The following UNG variants were observed in gnomAD, a reference collection of about 807,000 sequenced individuals.
The protein encoded by UNG is uracil DNA glycosylase.
UNG carries 34 observed loss-of-function variants against 36.5 expected under a neutral mutation model. That is an observed-to-expected ratio of 0.93 (90% confidence interval 0.71 to 1.24). The LOEUF (loss-of-function observed/expected upper bound fraction) is 1.24, where lower values mean the gene tolerates loss of function less well. Among genes scored for constraint, UNG ranks in the 50% most tolerant of loss-of-function variants. The pLI is 0.00. For synonymous variants in UNG, 172 were observed against 157.8 expected (o/e 1.09, Z -0.67); for missense variants, 391 against 397.6 (o/e 0.98, Z 0.14).
intron 6 of UNG, among the ~76,000 whole-genome samples, chr12:109,107,000 T>C (rs776277993): frequency 6.8e-6 from 1 of 147,056 alleles, no homozygotes; most frequent in Non-Finnish European, 1.5e-5. Context: ...GTGTCACAGT[T>C]GCCTATAGTA....
At position 109,097,763 on chromosome 12, in the gene UNG, C is replaced by A. The variant is rs2042141964; in HGVS notation, c.84C>A (p.Val28=). 1 of 1,569,134 alleles carries A rather than the reference C, an allele frequency of 6.4e-7. No individual in the cohort carries two copies. The highest frequency in any genetic ancestry group is 8.6e-7 in the Non-Finnish European group (1 of 1,156,986). The change falls in exon 1 of 7, where the codon GTC becomes GTA. Residue 28 remains valine (V), a synonymous_variant. Transcript: ENST00000242576. The stretch of plus-strand genomic sequence containing the variant: ...ACGCCCCCAGCCCCGAGCCGGCCGT[C>A]CAGGGGACCGGCGTGGCTGGGGTGC... ...KRHAPSPEPA[V]QGTGVAGVPE...
intron 4 of UNG, among the ~76,000 whole-genome samples, chr12:109,102,578 G>A (rs111400274): frequency 0.011 from 1,710 of 152,258 alleles, 33 homozygotes; most frequent in African/African-American, 0.038. Flanking sequence ...GGTCTGGGTT[G>A]TAACTGCTGG....
In UNG at chr12:109,103,440, CCTT is replaced by C; in HGVS notation, c.633_635del (p.Leu212del). The C allele has an allele frequency of 6.2e-6, 10 of 1,614,108 alleles. No homozygotes were observed. The highest frequency in any genetic ancestry group is 8.5e-6 in the Non-Finnish European group (10 of 1,179,988). On this transcript the variant is annotated inframe_deletion, in exon 6 of 7. Transcript: ENST00000242576. ...TTTCTCTCATGTGTATAGGTGTTCT[CCTT>C]CTCAACGCTGTCCTCACGGTTCGTG...
chr12:109,099,959 G>A (rs1048060430), intron 3 of UNG, among the ~76,000 whole-genome samples: 6 of 152,164 alleles, frequency 3.9e-5, no homozygotes, highest in Non-Finnish European at 7.3e-5. Flanking sequence ...CTACTTGGGA[G>A]GCTGAGGTGG....
At position 109,097,653 on chromosome 12, in the gene UNG, C is replaced by G; in HGVS notation, c.-27C>G. On this transcript the variant is annotated 5_prime_UTR_variant, in exon 1 of 7. Transcript: ENST00000242576. ...TAGCCTCGCCGGTTCCCGGGTGGCGCGCGTTCGCTGCCTCCTCAGCTCCAG... is the reference window on the plus strand; with the variant it reads ...TAGCCTCGCCGGTTCCCGGGTGGCGGGCGTTCGCTGCCTCCTCAGCTCCAG... The G allele has an allele frequency of 6.2e-7, 1 of 1,600,838 alleles. No individual in the cohort carries two copies. The highest frequency in any genetic ancestry group is 8.5e-7 in the Non-Finnish European group (1 of 1,173,668).
rs2042159233 is a variant in UNG, at chr12:109,099,283, A to G, written c.434A>G (p.Asp145Gly). 5 of 1,612,158 alleles carry G rather than the reference A, an allele frequency of 3.1e-6. No homozygotes were observed. The highest frequency in any genetic ancestry group is 4.2e-6 in the Non-Finnish European group (5 of 1,178,336). ...FTWTQMCDIK[D>G]VKVVILGQDP... ...TGGACCCAGATGTGTGACATAAAAG[A>G]TGTAAGTACAACTTGTTGATAATTT... Residue 145 changes from aspartate (D) to glycine (G), a missense_variant and splice_region_variant, in exon 3 of 7, where the codon GAT becomes GGT. Physicochemically the swap from Asp to Gly is moderately conservative, Grantham distance 94. Transcript: ENST00000242576.
At chr12:109,105,916 G>A (rs1269473851) in intron 6 of UNG, among the ~76,000 whole-genome samples, 1 of 152,198 alleles carries the variant, frequency 6.6e-6, no homozygotes, top group Non-Finnish European at 1.5e-5. Flanking sequence ...TAGAGGGGTG[G>A]CCCCCAATCG....
chr12:109,099,397 T>C (rs2042160155), intron 3 of UNG, 113 bp downstream of exon 3: 3 of 919,030 alleles, frequency 3.3e-6, no homozygotes, highest in Middle Eastern at 2.2e-4. Flanking sequence ...AATAAAACAC[T>C]GAAATCCCGA....
At chr12:109,106,988 T>C (rs544945547) in intron 6 of UNG, among the ~76,000 whole-genome samples, 1 of 147,118 alleles carries the variant, frequency 6.8e-6, no homozygotes, top group Non-Finnish European at 1.5e-5. Flanking sequence ...ATGCCTACCA[T>C]TGTGTCACAG....
chr12:109,108,934 G>A (rs933646201), intron 6 of UNG, among the ~76,000 whole-genome samples: 18 of 152,118 alleles, frequency 1.2e-4, no homozygotes, highest in African/African-American at 3.9e-4. Flanking sequence ...GACTGGCCCC[G>A]TTCTATTTTT....
chr12:109,102,946 G>A lies in UNG; in HGVS notation c.622+19G>A. On this transcript the variant is annotated intron_variant, in intron 5 of 6. Coordinates refer to ENST00000242576, the MANE Select transcript of UNG (RefSeq NM_080911.3). ...AAGCAAGGTAAGCCAGCGACTGCTA[G>A]ATTTTTTTTTTTTTTTTTTTTTTGA... is the stretch of plus-strand genomic sequence containing the variant. The A allele has an allele frequency of 5.4e-6, 5 of 917,682 alleles. No individual in the cohort carries two copies. The highest frequency in any genetic ancestry group is 1.9e-5 in the African/African-American group (1 of 52,142). The allele number at this position is 917,682 out of a possible 1,614,324, so 56.8% of individuals were successfully genotyped here.
chr12:109,108,118 T>C lies in UNG; in HGVS notation c.802-1711T>C, dbSNP rs1035394162. 7.9e-5 allele frequency among the ~76,000 whole-genome samples: 12 copies of C among 152,374 alleles called. No individual in the cohort carries two copies. In the East Asian group the frequency reaches 2.3e-3, roughly 29 times the overall value. ...CTAGGAGTTATGTGGTTTTACATTG[T>C]AAGAACTTTAGAAAAATACATTTAG... On this transcript the variant is annotated intron_variant, in intron 6 of 6. Coordinates refer to ENST00000242576, the MANE Select transcript of UNG (RefSeq NM_080911.3).
rs2042259019 is a variant in UNG, at chr12:109,110,875, A to T, written c.*906A>T. On this transcript the variant is annotated 3_prime_UTR_variant, in exon 7 of 7. Transcript: ENST00000242576. Reference sequence around the variant, plus strand: ...TTTTTCCCAGTCCTTTTTTTAAGAGACGGTCTTTATTGGGTCTGCACCTCC... The same window carrying T: ...TTTTTCCCAGTCCTTTTTTTAAGAGTCGGTCTTTATTGGGTCTGCACCTCC... 1 of 151,760 alleles carries T rather than the reference A, an allele frequency of 6.6e-6. No individual in the cohort carries two copies. The highest frequency in any genetic ancestry group is 6.6e-5 in the Admixed American group (1 of 15,224). 9.4% of individuals were successfully genotyped at this position (151,760 alleles called of 1,614,324 possible).
rs1336745051 is a variant in UNG, at chr12:109,097,611, A to G, written c.-69A>G. 7 of 1,561,040 alleles carry G rather than the reference A, an allele frequency of 4.5e-6. No homozygotes were observed. Among genetic ancestry groups the G allele is most frequent in the Middle Eastern group, 1.7e-4 (1 of 6,006 alleles). The stretch of plus-strand genomic sequence containing the variant: ...CGCTTGGCGCCAATTGCTGACCGCC[A>G]CAGCCACAGCCAGGGCTAGCCTCGC... On this transcript the variant is annotated 5_prime_UTR_variant, in exon 1 of 7. Transcript: ENST00000242576.
rs79129796 is a variant in UNG, at chr12:109,108,191, C to T, written c.802-1638C>T. Among the ~76,000 whole-genome samples the T allele has an allele frequency of 7.9e-4, 120 of 152,304 alleles. No individual in the cohort carries two copies. In the East Asian group the frequency reaches 0.018, roughly 23 times the overall value. On this transcript the variant is annotated intron_variant, in intron 6 of 6. Coordinates refer to ENST00000242576, the MANE Select transcript of UNG (RefSeq NM_080911.3). ...TATACTAGGTTTTAGCTGACATAAG[C>T]AGTGTGTCAGTCCCTTTATATGTAC...
Position 109,110,151 on chromosome 12 carries a change from G to A in UNG, c.*182G>A. The A allele has an allele frequency of 6.7e-6, 5 of 741,658 alleles. No homozygotes were observed. In the South Asian group the frequency reaches 7.0e-5, roughly 10 times the overall value. 45.9% of individuals were successfully genotyped at this position (741,658 alleles called of 1,614,324 possible). A position where few individuals can be genotyped will look rare whatever the true frequency, so the allele number is the denominator to read the frequency against. On this transcript the variant is annotated 3_prime_UTR_variant, in exon 7 of 7. Coordinates refer to ENST00000242576, the MANE Select transcript of UNG (RefSeq NM_080911.3). ...CTGTATCCAACCACAAACAACAAAG[G>A]CTACCCTTTGACCAAATGTCTTTCT...
chr12:109,097,949 A>T (rs1042113221), intron 1 of UNG, 138 bp downstream of exon 1: 2 of 1,304,078 alleles, frequency 1.5e-6, no homozygotes, highest in Non-Finnish European at 2.0e-6. Context: ...CCACGTGTTC[A>T]AAATAGCCGC....
intron 3 of UNG, among the ~76,000 whole-genome samples, chr12:109,099,977 G>A (rs1011187410): frequency 4.6e-5 from 7 of 152,102 alleles, no homozygotes; most frequent in South Asian, 2.1e-4. Context: ...TGGGAGAATC[G>A]CATGAGCCCA....
At chr12:109,100,047 G>A (rs1021925624) in intron 3 of UNG, among the ~76,000 whole-genome samples, 2 of 152,092 alleles carry the variant, frequency 1.3e-5, no homozygotes, top group African/African-American at 4.8e-5. Context: ...GGGCGACAGA[G>A]CCAGACCCTG....
Sources: allele counts gnomAD v4.1 joint callset (sites outside exome capture counted in the v4.1 genomes callset), GRCh38; gene constraint gnomAD v4.1.1; transcripts MANE v1.5; gene names NCBI Gene and HGNC (gene_info 2026-07-23, HGNC 2026-07-21).